SLC30A8: variants seen among roughly 807,000 people sequenced by gnomAD.
SLC30A8 encodes proton-coupled zinc antiporter SLC30A8.
SLC30A8 carries 27 observed loss-of-function variants against 36.9 expected under a neutral mutation model. The ratio of observed to expected loss-of-function variants is 0.73; its 90% CI spans 0.54 to 1.01. SLC30A8 has a LOEUF of 1.01. Ranked by LOEUF, SLC30A8 falls within the 50% of genes least tolerant of loss-of-function variation. The probability of loss-of-function intolerance (pLI) is 0.00; values close to 1 mark genes in which losing one functional copy is unlikely to be tolerated. For missense variants in SLC30A8, 439 were observed against 452.0 expected (o/e 0.97, Z 0.26); for synonymous variants, 164 against 172.4 (o/e 0.95, Z 0.38).
intron 1 of SLC30A8, among the ~76,000 whole-genome samples, chr8:116,984,915 T>C (rs1815390030): frequency 2.0e-5 from 3 of 152,088 alleles, no homozygotes; most frequent in Non-Finnish European, 4.4e-5. Flanking sequence ...GTCAAGACTA[T>C]GAACCCTTTT....
intron 1 of SLC30A8, among the ~76,000 whole-genome samples, chr8:116,974,609 C>T (rs1462929201): frequency 1.3e-5 from 2 of 152,156 alleles, no homozygotes; most frequent in Non-Finnish European, 2.9e-5. Flanking sequence ...CTAGTTCAAC[C>T]ATTGTGGAAG....
intron 2 of SLC30A8, among the ~76,000 whole-genome samples, chr8:117,120,034 G>A (rs193272273): frequency 6.6e-6 from 1 of 151,790 alleles, no homozygotes; most frequent in Non-Finnish European, 1.5e-5. Flanking sequence ...TTGTTCAAAT[G>A]TGCACACTAC....
intron 1 of SLC30A8, among the ~76,000 whole-genome samples, chr8:116,996,438 A>G (rs1163065778): frequency 6.6e-6 from 1 of 152,238 alleles, no homozygotes; most frequent in Non-Finnish European, 1.5e-5. Flanking sequence ...TATACATTGT[A>G]GAATGGCTAA....
intron 1 of SLC30A8, among the ~76,000 whole-genome samples, chr8:116,969,369 G>C (rs1294429165): frequency 6.6e-6 from 1 of 152,204 alleles, no homozygotes; most frequent in Non-Finnish European, 1.5e-5. Context: ...AGTGAGTCCA[G>C]ATTGTGCCAC....
chr8:117,154,833 T>G (rs1189062707), intron 3 of SLC30A8, among the ~76,000 whole-genome samples: 1 of 152,168 alleles, frequency 6.6e-6, no homozygotes, highest in East Asian at 1.9e-4. Context: ...GATCTCTGCT[T>G]GTACTTTGGC....
At chr8:117,045,928 T>C (rs943230169) in intron 2 of SLC30A8, among the ~76,000 whole-genome samples, 3 of 152,056 alleles carry the variant, frequency 2.0e-5, no homozygotes, top group Non-Finnish European at 2.9e-5. Context: ...GTTTTTTTTT[T>C]TCCCCCTTCT....
intron 2 of SLC30A8, among the ~76,000 whole-genome samples, chr8:117,045,973 G>T (rs1309689919): frequency 6.8e-6 from 1 of 147,684 alleles, no homozygotes; most frequent in Non-Finnish European, 1.5e-5. Context: ...ACTGACAGAA[G>T]AAAATATCCC....
At chr8:117,128,409 G>A (rs1586559633) in intron 2 of SLC30A8, 1 of 152,110 alleles carries the variant, frequency 6.6e-6, no homozygotes, top group East Asian at 2.0e-4. Context: ...GTCAAATTTG[G>A]TATAAAAAGG....
intron 1 of SLC30A8, among the ~76,000 whole-genome samples, chr8:116,952,346 G>T (rs1814022331): frequency 6.6e-6 from 1 of 152,036 alleles, no homozygotes; most frequent in Non-Finnish European, 1.5e-5. Context: ...AGCAATACTT[G>T]CACATAATAT....
At chr8:117,031,486 T>A (rs1015917195) in intron 1 of SLC30A8, among the ~76,000 whole-genome samples, 4 of 151,724 alleles carry the variant, frequency 2.6e-5, no homozygotes, top group African/African-American at 7.3e-5. Context: ...TTTAATGGAG[T>A]TTCACTCTTG....
At chr8:117,169,728 C>T (rs929007917) in intron 6 of SLC30A8, among the ~76,000 whole-genome samples, 8 of 151,952 alleles carry the variant, frequency 5.3e-5, no homozygotes, top group African/African-American at 1.2e-4. Flanking sequence ...GGAGAAGGCA[C>T]GTCACATGAT....
intron 2 of SLC30A8, among the ~76,000 whole-genome samples, chr8:117,043,620 C>T (rs929390845): frequency 6.6e-6 from 1 of 152,162 alleles, no homozygotes; most frequent in Non-Finnish European, 1.5e-5. Flanking sequence ...AGGTCTGACA[C>T]CAGACACTTT....
chr8:117,024,626 A>G (rs1256588690), intron 1 of SLC30A8, among the ~76,000 whole-genome samples: 2 of 152,208 alleles, frequency 1.3e-5, no homozygotes, highest in Admixed American at 1.3e-4. Context: ...AGCATACACA[A>G]AAGCATATAC....
intron 1 of SLC30A8, among the ~76,000 whole-genome samples, chr8:116,962,365 T>C (rs1270174965): frequency 6.6e-6 from 1 of 152,000 alleles, no homozygotes; most frequent in Non-Finnish European, 1.5e-5. Flanking sequence ...CACCTGCATA[T>C]AAAAAATGAT....
At chr8:117,045,333 C>T (rs966683505) in intron 2 of SLC30A8, among the ~76,000 whole-genome samples, 25 of 149,940 alleles carry the variant, frequency 1.7e-4, no homozygotes, top group African/African-American at 6.3e-4. Flanking sequence ...TTTCATCGTT[C>T]CCCCACCGTA....
intron 5 of SLC30A8, among the ~76,000 whole-genome samples, chr8:117,162,165 C>A (rs1428690470): frequency 6.6e-6 from 1 of 152,092 alleles, no homozygotes; most frequent in Non-Finnish European, 1.5e-5. Context: ...TGGATGTGCT[C>A]CTAGACAGAC....
At chr8:117,125,842 CAT>C (rs1228543865) in intron 2 of SLC30A8, among the ~76,000 whole-genome samples, 2 of 151,880 alleles carry the variant, frequency 1.3e-5, no homozygotes, top group Admixed American at 6.6e-5. Flanking sequence ...TAGAATAAAA[CAT>C]ATTCTGCAAG....
chr8:117,156,933 C>T (rs896443731), intron 3 of SLC30A8, among the ~76,000 whole-genome samples: 11 of 152,162 alleles, frequency 7.2e-5, no homozygotes, highest in African/African-American at 2.7e-4. Context: ...TTGTACCTGA[C>T]CACTGACTCA....
intron 1 of SLC30A8, among the ~76,000 whole-genome samples, chr8:116,972,798 G>A (rs1190127028): frequency 1.3e-5 from 2 of 152,070 alleles, no homozygotes; most frequent in Non-Finnish European, 2.9e-5. Flanking sequence ...TTAGGCTTGC[G>A]GAGGGACCAC....
Sources: allele counts gnomAD v4.1 joint callset (sites outside exome capture counted in the v4.1 genomes callset), GRCh38; gene constraint gnomAD v4.1.1; transcripts MANE v1.5; gene names NCBI Gene and HGNC (gene_info 2026-07-23, HGNC 2026-07-21).